Variants in DNAH17 observed in about 807,000 individuals in gnomAD.
DNAH17 encodes axonemal beta dynein heavy chain 17.
In DNAH17, 376 loss-of-function variants were observed where a neutral mutation model predicts 485.6. The observed-to-expected ratio is 0.77, with a 90% confidence interval of 0.71 to 0.84. DNAH17 has a LOEUF of 0.84. Ranked by LOEUF, DNAH17 falls within the 40% of genes least tolerant of loss-of-function variation. The pLI, the probability that DNAH17 is intolerant of heterozygous loss-of-function variation, is 0.00. For synonymous variants in DNAH17, 3,031 were observed against 2,405.9 expected, an observed-to-expected ratio of 1.26 and a Z score of -7.60; for missense variants, 6,370 against 5,839.3, an observed-to-expected ratio of 1.09 and a Z score of -2.96.
chr17:78,568,487 A>T (rs2092303587), intron 9 of DNAH17, among the ~76,000 whole-genome samples: 1 of 152,158 alleles, frequency 6.6e-6, no homozygotes, highest in Non-Finnish European at 1.5e-5. Flanking sequence ...CAAAGTTTTT[A>T]AAAATTACAC....
chr17:78,551,201 T>A (rs529264315), intron 16 of DNAH17, among the ~76,000 whole-genome samples: 2 of 152,328 alleles, frequency 1.3e-5, no homozygotes, highest in Admixed American at 6.5e-5. Context: ...GAGTTAGAAC[T>A]GTACTGCTTC....
rs776431624 is a variant in DNAH17, at chr17:78,510,525, G to GCAGGAA, written c.4114-20_4114-19insTTCCTG. On this transcript the variant is annotated intron_variant, in intron 26 of 80. Transcript: ENST00000389840. ...ATTTCACCTAAGGGAAAAAAATCCA[G>GCAGGAA]GCAGGATTCATTTCAGGTCATGTGC... is the stretch of plus-strand genomic sequence containing the variant. 2 of 1,612,592 alleles carry GCAGGAA rather than the reference G, an allele frequency of 1.2e-6. No individual in the cohort carries two copies. Among genetic ancestry groups the GCAGGAA allele is most frequent in the South Asian group, 1.1e-5 (1 of 91,050 alleles).
chr17:78,502,010 G>C (rs1037846475), intron 33 of DNAH17, 137 bp from the exon 34 acceptor site: 12 of 1,273,542 alleles, frequency 9.4e-6, no homozygotes, highest in Non-Finnish European at 1.1e-5. Flanking sequence ...GAGCGCCCTC[G>C]GTAGGCCCCA....
At chr17:78,427,188 A>C (rs1032956187) in intron 77 of DNAH17, 80 bp from the exon 78 acceptor site, 11 of 1,444,858 alleles carry the variant, frequency 7.6e-6, no homozygotes, top group Admixed American at 5.9e-5. Context: ...GCCTGCCCAA[A>C]ATGTTCCCAG....
chr17:78,560,065 T>TA (rs1359258257), intron 13 of DNAH17, among the ~76,000 whole-genome samples: 1 of 152,122 alleles, frequency 6.6e-6, no homozygotes, highest in Non-Finnish European at 1.5e-5. Flanking sequence ...TTCTACCATA[T>TA]CATACACTTG....
At chr17:78,494,237 G>A (rs1465002589) in intron 40 of DNAH17, 64 bp from the exon 41 acceptor site, 6 of 1,563,096 alleles carry the variant, frequency 3.8e-6, no homozygotes, top group African/African-American at 1.4e-5. Context: ...CTCGCTGGGA[G>A]GCTGGGGGGC....
intron 25 of DNAH17, among the ~76,000 whole-genome samples, chr17:78,520,203 A>G (rs2090900365): frequency 6.6e-6 from 1 of 152,218 alleles, no homozygotes; most frequent in Non-Finnish European, 1.5e-5. Flanking sequence ...ACAAGATCTA[A>G]CACCTGTTCA....
chr17:78,471,040 A>T (rs77287357), intron 54 of DNAH17, among the ~76,000 whole-genome samples: 5,331 of 152,268 alleles, frequency 0.035, 294 homozygotes, highest in African/African-American at 0.12. Flanking sequence ...CCAAGTAGTG[A>T]TGTGTATTTC....
intron 24 of DNAH17, 99 bp downstream of exon 24, chr17:78,526,552 G>T: frequency 9.5e-7 from 1 of 1,057,626 alleles, no homozygotes; most frequent in South Asian, 1.6e-5. Context: ...TCAGTCCGGC[G>T]GAGACCACGT....
At chr17:78,472,067 T>C (rs902560711) in intron 54 of DNAH17, among the ~76,000 whole-genome samples, 5 of 152,176 alleles carry the variant, frequency 3.3e-5, no homozygotes, top group Non-Finnish European at 7.3e-5. Context: ...TCGTCACCTG[T>C]ATCTAGGCCC....
intron 16 of DNAH17, among the ~76,000 whole-genome samples, chr17:78,545,904 G>C (rs193119243): frequency 3.9e-5 from 6 of 151,934 alleles, no homozygotes; most frequent in African/African-American, 7.3e-5. Flanking sequence ...GTTCTTTGCT[G>C]ATTAATATTT....
intron 51 of DNAH17, among the ~76,000 whole-genome samples, chr17:78,478,040 CCAT>C (rs757845245): frequency 2.1e-5 from 3 of 139,988 alleles, no homozygotes; most frequent in African/African-American, 8.1e-5. Context: ...CATCACACCA[CCAT>C]CATTACCATT....
At chr17:78,485,452 G>A in intron 47 of DNAH17, 98 bp downstream of exon 47, 1 of 1,177,456 alleles carries the variant, frequency 8.5e-7, no homozygotes, top group Non-Finnish European at 1.2e-6. Flanking sequence ...GTGCAAAGTG[G>A]CTAGTGAGTG....
At chr17:78,454,007 C>G (rs1174246805) in intron 64 of DNAH17, among the ~76,000 whole-genome samples, 3 of 152,174 alleles carry the variant, frequency 2.0e-5, no homozygotes, top group Non-Finnish European at 2.9e-5. Context: ...CACACCCGGG[C>G]TGGAAGCAGC....
intron 20 of DNAH17, among the ~76,000 whole-genome samples, chr17:78,531,919 G>A (rs887402946): frequency 2.0e-5 from 3 of 152,204 alleles, no homozygotes; most frequent in East Asian, 3.9e-4. Flanking sequence ...GCCCATGGAC[G>A]ACCCCTCCCA....
chr17:78,513,760 T>C (rs1277061459), intron 26 of DNAH17, among the ~76,000 whole-genome samples: 3 of 152,158 alleles, frequency 2.0e-5, no homozygotes, highest in African/African-American at 7.2e-5. Flanking sequence ...CTGTCTCTCA[T>C]CAGTCTAATT....
At chr17:78,538,943 A>T (rs984056274) in intron 18 of DNAH17, among the ~76,000 whole-genome samples, 49 of 152,290 alleles carry the variant, frequency 3.2e-4, no homozygotes, top group African/African-American at 1.1e-3. Flanking sequence ...TCAACAAAAA[A>T]GATGCAGGGC....
chr17:78,528,489 AC>A lies in DNAH17; in HGVS notation c.3507+982del, dbSNP rs2091137194. 2.0e-5 allele frequency among the ~76,000 whole-genome samples: 3 copies of A among 151,458 alleles called. No homozygotes were observed. The South Asian group carries it at 6.3e-4, about 32-fold the overall frequency. On this transcript the variant is annotated intron_variant, in intron 22 of 80. Coordinates refer to ENST00000389840, the MANE Select transcript of DNAH17 (RefSeq NM_173628.4). ...CAGGCCGGGGCCCCTCCCTCTTGTC[AC>A]CCCCAGGGCTGTGGGGTCTTGGGCA...
At position 78,460,417 on chromosome 17, in the gene DNAH17, T is replaced by C. The variant is rs74704037; in HGVS notation, c.9340-160A>G. Among the ~76,000 whole-genome samples, 140 of 152,352 alleles carry C rather than the reference T, an allele frequency of 9.2e-4. 1 individual carries two copies. In the East Asian group the frequency reaches 0.025, roughly 28 times the overall value. On this transcript the variant is annotated intron_variant, in intron 58 of 80. Coordinates refer to ENST00000389840, the MANE Select transcript of DNAH17 (RefSeq NM_173628.4). ...GTGCATGAGTGTATGTGTGTGCATGTATGTGTATGTGCATCCATGTGCATA... is the reference window on the plus strand; with the variant it reads ...GTGCATGAGTGTATGTGTGTGCATGCATGTGTATGTGCATCCATGTGCATA...
Sources: allele counts gnomAD v4.1 joint callset (sites outside exome capture counted in the v4.1 genomes callset), GRCh38; gene constraint gnomAD v4.1.1; transcripts MANE v1.5; gene names NCBI Gene and HGNC (gene_info 2026-07-23, HGNC 2026-07-21).